HERC3: variants seen among roughly 807,000 people sequenced by gnomAD.
The protein encoded by HERC3 is probable E3 ubiquitin-protein ligase HERC3.
A neutral mutation model predicts 129.9 loss-of-function variants in HERC3; 58 were observed. The observed-to-expected ratio is 0.45, with a 90% confidence interval of 0.36 to 0.56. HERC3 has a LOEUF of 0.56. Ranked by LOEUF, HERC3 falls within the 20% of genes least tolerant of loss-of-function variation. The pLI is 0.00. For synonymous variants in HERC3, 430 were observed against 451.0 expected (o/e 0.95, Z 0.59); for missense variants, 835 against 1,244.2 (o/e 0.67, Z 4.95).
chr4:88,525,563 A>G, the HERC3 span, among the ~76,000 whole-genome samples: 1 of 152,164 alleles, frequency 6.6e-6, no homozygotes, highest in African/African-American at 2.4e-5. Context: ...TTATAAATAA[A>G]TTAGTTTCAG....
rs1242918494 is a variant in HERC3 at position 88,707,850 on chromosome 4, T to C, written c.*890T>C. 6.6e-6 allele frequency: 1 copy of C among 152,622 alleles called. No individual in the cohort carries two copies. Among genetic ancestry groups the C allele is most frequent in the East Asian group, 1.9e-4 (1 of 5,196 alleles). The allele number at this position is 152,622 out of a possible 1,614,324, so 9.5% of individuals were successfully genotyped here. ...AATAAATTTACTTTCCCTTTTTCTA[T>C]CACCTTATGTCCTCTACCATTTTCT... On this transcript the variant is annotated 3_prime_UTR_variant, in exon 26 of 26. Coordinates refer to ENST00000402738, the MANE Select transcript of HERC3 (RefSeq NM_014606.3).
chr4:88,526,322 T>A, the HERC3 span, among the ~76,000 whole-genome samples: 107 of 152,318 alleles, frequency 7.0e-4, 1 homozygote, highest in African/African-American at 2.4e-3. Flanking sequence ...GGCTGGACTA[T>A]GTATTTTAAC....
intron 3 of HERC3, among the ~76,000 whole-genome samples, chr4:88,619,243 T>C (rs1725250030): frequency 6.6e-6 from 1 of 152,366 alleles, no homozygotes; most frequent in East Asian, 1.9e-4. Context: ...CACTGCTCTG[T>C]GTAATTTGCA....
intron 24 of HERC3, 36 bp downstream of exon 24, chr4:88,704,317 G>T: frequency 6.2e-7 from 1 of 1,601,378 alleles, no homozygotes; most frequent in Non-Finnish European, 8.6e-7. Context: ...CTTTAACTCC[G>T]GCGAAGCAGC....
the HERC3 span, among the ~76,000 whole-genome samples, chr4:88,578,479 G>T: frequency 1.3e-3 from 205 of 152,112 alleles, 1 homozygote; most frequent in Non-Finnish European, 2.1e-3. Context: ...CTACTCGGGA[G>T]GCTGAGGCAG....
At chr4:88,677,815 TA>T in intron 18 of HERC3, 148 bp from the exon 19 acceptor site, 3 of 633,334 alleles carry the variant, frequency 4.7e-6, no homozygotes, top group Non-Finnish European at 5.4e-6. Context: ...TAAACATAAG[TA>T]ACTTAGAAAA....
the HERC3 span, among the ~76,000 whole-genome samples, chr4:88,578,248 T>C: frequency 6.6e-6 from 1 of 152,144 alleles, no homozygotes; most frequent in Non-Finnish European, 1.5e-5. Flanking sequence ...AAAAAATGTA[T>C]CTATTGAGCC....
upstream of HERC3, among the ~76,000 whole-genome samples, chr4:88,588,368 A>G (rs1721582747): frequency 6.6e-6 from 1 of 152,208 alleles, no homozygotes; most frequent in African/African-American, 2.4e-5. Flanking sequence ...TGTGTGTTAC[A>G]GGACAGTTTT....
intron 3 of HERC3, among the ~76,000 whole-genome samples, chr4:88,610,873 T>C (rs987711208): frequency 9.9e-5 from 15 of 152,236 alleles, no homozygotes; most frequent in African/African-American, 3.6e-4. Context: ...ATGGTAGGTG[T>C]TGCTGGGCCT....
At chr4:88,527,959 A>T in the HERC3 span, 38 of 271,384 alleles carry the variant, frequency 1.4e-4, 1 homozygote, top group East Asian at 3.8e-3. Context: ...AAATGGCATG[A>T]GTGATTGGTC....
chr4:88,629,603 G>A (rs1185515677), intron 3 of HERC3, among the ~76,000 whole-genome samples: 1 of 152,130 alleles, frequency 6.6e-6, no homozygotes, highest in Non-Finnish European at 1.5e-5. Flanking sequence ...TCTAAGGCTG[G>A]TGGTATGTTA....
intron 3 of HERC3, among the ~76,000 whole-genome samples, chr4:88,635,303 C>G (rs563116351): frequency 6.6e-6 from 1 of 151,842 alleles, no homozygotes; most frequent in Non-Finnish European, 1.5e-5. Context: ...TAAAGAGGAA[C>G]GTAAACGACC....
the HERC3 span, among the ~76,000 whole-genome samples, chr4:88,562,881 C>T: frequency 4.6e-5 from 7 of 152,072 alleles, no homozygotes; most frequent in Admixed American, 1.3e-4. Context: ...TATGCCCGTC[C>T]CAGGCTGCTT....
the HERC3 span, among the ~76,000 whole-genome samples, chr4:88,572,323 G>A: frequency 6.6e-6 from 1 of 151,922 alleles, no homozygotes; most frequent in Non-Finnish European, 1.5e-5. Flanking sequence ...AGCTACTTGG[G>A]CAGCTGAGGC....
At chr4:88,587,195 T>A in the HERC3 span, among the ~76,000 whole-genome samples, 2 of 152,178 alleles carry the variant, frequency 1.3e-5, no homozygotes, top group East Asian at 1.9e-4. Context: ...ACACAGACAA[T>A]GTTATTTTAT....
intron 2 of HERC3, among the ~76,000 whole-genome samples, chr4:88,601,514 T>C (rs1198983026): frequency 6.6e-6 from 1 of 152,260 alleles, no homozygotes; most frequent in Non-Finnish European, 1.5e-5. Context: ...TTCTCTCCTG[T>C]AGATTGGCTG....
rs780872572 is a variant in HERC3, at chr4:88,678,142, C to G, written c.2196+8C>G. On this transcript the variant is annotated splice_region_variant and intron_variant, in intron 19 of 25. Coordinates refer to ENST00000402738, the MANE Select transcript of HERC3 (RefSeq NM_014606.3). ...TTGAAAAAGCCTCTCAAAGTGAGTT[C>G]CTTCAGGATATTCCTCTAAATACCT... The G allele has an allele frequency of 2.5e-6, 4 of 1,612,172 alleles. No individual in the cohort carries two copies. Among genetic ancestry groups the G allele is most frequent in the African/African-American group, 1.3e-5 (1 of 75,004 alleles).
the HERC3 span, among the ~76,000 whole-genome samples, chr4:88,582,294 A>G: frequency 6.6e-6 from 1 of 152,146 alleles, no homozygotes; most frequent in Non-Finnish European, 1.5e-5. Context: ...TCTGCACTTG[A>G]TGAGTTTCCT....
chr4:88,578,666 TAAG>T, the HERC3 span, among the ~76,000 whole-genome samples: 7 of 151,274 alleles, frequency 4.6e-5, no homozygotes, highest in African/African-American at 1.5e-4. Context: ...AGAAGGCAAA[TAAG>T]AAGAAAAAGG....
Sources: allele counts gnomAD v4.1 joint callset (sites outside exome capture counted in the v4.1 genomes callset), GRCh38; gene constraint gnomAD v4.1.1; transcripts MANE v1.5; gene names NCBI Gene and HGNC (gene_info 2026-07-23, HGNC 2026-07-21).